ORC6: variants seen among roughly 807,000 people sequenced by gnomAD.
The protein encoded by ORC6 is origin recognition complex, subunit 6 homolog-like (yeast).
Under a neutral mutation model 30.0 loss-of-function variants are expected in ORC6, and 31 were observed. The observed-to-expected ratio is 1.03, with a 90% CI of 0.78 to 1.40. The LOEUF is 1.40. ORC6 is among the 40% of genes most tolerant of loss of function. The probability of loss-of-function intolerance (pLI) is 0.00; values close to 1 mark genes in which losing one functional copy is unlikely to be tolerated. For synonymous variants in ORC6, 136 were observed against 111.2 expected, an observed-to-expected ratio of 1.22 and a Z score of -1.40; for missense variants, 340 against 304.3, an observed-to-expected ratio of 1.12 and a Z score of -0.87.
intron 4 of ORC6, chr16:46,694,501 C>G (rs1293635504): frequency 7.0e-6 from 1 of 142,808 alleles, no homozygotes; most frequent in East Asian, 2.2e-4. Context: ...TGACCCCCCC[C>G]ACCTCCTTCC....
At chr16:46,690,355 C>T (rs1966420484) in intron 1 of ORC6, among the ~76,000 whole-genome samples, 4 of 152,170 alleles carry the variant, frequency 2.6e-5, no homozygotes, top group Admixed American at 2.6e-4. Context: ...GAAGCGGGAT[C>T]CGGGGTTCGA....
intron 4 of ORC6, chr16:46,694,794 A>G (rs966995330): frequency 5.3e-5 from 8 of 152,208 alleles, no homozygotes; most frequent in African/African-American, 1.9e-4. Context: ...CCTTGGAAAT[A>G]TTAGTAATTG....
chr16:46,689,919 A>G, intron 1 of ORC6, 149 bp downstream of exon 1: 2 of 1,198,502 alleles, frequency 1.7e-6, no homozygotes, highest in South Asian at 1.7e-5. Context: ...ACTTCAAGAA[A>G]AACTTCTCGG....
rs1966401836 is a variant in ORC6 at position 46,689,720 on chromosome 16, G to C, written c.15G>C (p.Leu5=). Residue 5 remains leucine (L), a synonymous_variant, in exon 1 of 7, where the codon CTG becomes CTC. Transcript: ENST00000219097. The part of the protein sequence containing the change: MGSE[L]IGRLAPRLGL... ...GTGCCGGCGCCATGGGGTCGGAGCT[G>C]ATCGGGCGCCTAGCCCCGCGCCTGG... The C allele has an allele frequency of 6.2e-7, 1 of 1,602,222 alleles. No homozygotes were observed. Among genetic ancestry groups the C allele is most frequent in the African/African-American group, 1.3e-5 (1 of 74,966 alleles).
Position 46,689,689 on chromosome 16 carries a change from G to A in ORC6, c.-17G>A, listed in dbSNP as rs754921519. On this transcript the variant is annotated 5_prime_UTR_variant, in exon 1 of 7. Coordinates refer to ENST00000219097, the MANE Select transcript of ORC6 (RefSeq NM_014321.4). ...CCCGCGGCGTTCACGGGAATTGTTC[G>A]CTTTAGTGCCGGCGCCATGGGGTCG... 1.3e-6 allele frequency: 2 copies of A among 1,596,860 alleles called. No individual in the cohort carries two copies. Among genetic ancestry groups the A allele is most frequent in the Non-Finnish European group, 1.7e-6 (2 of 1,171,448 alleles).
chr16:46,691,559 G>T (rs1389129863), intron 2 of ORC6, among the ~76,000 whole-genome samples: 1 of 152,064 alleles, frequency 6.6e-6, no homozygotes, highest in South Asian at 2.1e-4. Flanking sequence ...ATCCAATTTC[G>T]CTGGATTATT....
At chr16:46,696,161 T>C in intron 6 of ORC6, 76 bp downstream of exon 6, 1 of 1,008,988 alleles carries the variant, frequency 9.9e-7, no homozygotes, top group Non-Finnish European at 1.6e-6. Context: ...GCAGCTTGCC[T>C]GACAGGAGTC....
intron 4 of ORC6, chr16:46,693,406 T>A: frequency 1.7e-6 from 1 of 583,356 alleles, no homozygotes; most frequent in Non-Finnish European, 3.1e-6. Flanking sequence ...AGCAGCTGTA[T>A]ATATATGCTG....
intron 2 of ORC6, 23 bp downstream of exon 2, chr16:46,691,143 C>G: frequency 1.2e-6 from 2 of 1,612,754 alleles, no homozygotes; most frequent in Non-Finnish European, 8.5e-7. Context: ...CACCGAATGT[C>G]TGAATAATCC....
chr16:46,691,885 G>A (rs1004773228), intron 2 of ORC6, among the ~76,000 whole-genome samples: 4 of 151,230 alleles, frequency 2.6e-5, no homozygotes, highest in African/African-American at 7.3e-5. Context: ...TTCCCACAGT[G>A]GATCCTCCTG....
intron 2 of ORC6, among the ~76,000 whole-genome samples, chr16:46,691,972 T>A (rs1966448642): frequency 6.9e-6 from 1 of 145,450 alleles, no homozygotes; most frequent in African/African-American, 2.6e-5. Flanking sequence ...TCTCTCTCTC[T>A]CTCTCTCTCA....
At chr16:46,694,914 A>T (rs1036108439) in intron 4 of ORC6, 1 of 152,258 alleles carries the variant, frequency 6.6e-6, no homozygotes, top group Admixed American at 6.5e-5. Context: ...CTACCCACTA[A>T]TTTTGGTATG....
At chr16:46,696,253 T>C in intron 6 of ORC6, 168 bp downstream of exon 6, 1 of 671,718 alleles carries the variant, frequency 1.5e-6, no homozygotes, top group Non-Finnish European at 2.7e-6. Flanking sequence ...ACATCGTTAT[T>C]GGGTAATTAA....
Position 46,698,378 on chromosome 16 carries a change from T to A in ORC6, c.*793T>A, listed in dbSNP as rs1367055557. 2 of 387,498 alleles carry A rather than the reference T, an allele frequency of 5.2e-6. No individual in the cohort carries two copies. Among genetic ancestry groups the A allele is most frequent in the Admixed American group, 5.9e-5 (2 of 33,768 alleles). The allele number at this position is 387,498 out of a possible 1,614,324, so 24.0% of individuals were successfully genotyped here. On this transcript the variant is annotated 3_prime_UTR_variant, in exon 7 of 7. Coordinates refer to ENST00000219097, the MANE Select transcript of ORC6 (RefSeq NM_014321.4). ...ATATTGTACAGCCTAAGTTAATAAATGTTATTTATATATGCATTCAAGTTG... is the reference window on the plus strand; with the variant it reads ...ATATTGTACAGCCTAAGTTAATAAAAGTTATTTATATATGCATTCAAGTTG...
intron 1 of ORC6, among the ~76,000 whole-genome samples, chr16:46,690,288 GAT>G (rs1410332021): frequency 2.0e-5 from 3 of 152,248 alleles, no homozygotes; most frequent in Non-Finnish European, 2.9e-5. Flanking sequence ...GGCGAGGAAA[GAT>G]ATGGCAAGAG....
chr16:46,691,152 C>A, intron 2 of ORC6, 32 bp downstream of exon 2: 1 of 1,609,924 alleles, frequency 6.2e-7, no homozygotes, highest in Non-Finnish European at 8.5e-7. Flanking sequence ...TCTGAATAAT[C>A]CAGTGCAACA....
At chr16:46,693,677 T>TC (rs1966477365) in intron 4 of ORC6, 1 of 165,058 alleles carries the variant, frequency 6.1e-6, no homozygotes, top group African/African-American at 2.4e-5. Flanking sequence ...AGCACATGCC[T>TC]CCAGTCCTGG....
In ORC6 at chr16:46,696,038, C is replaced by G; in HGVS notation, c.584C>G (p.Thr195Ser). ...AAAGGAGAACCTGGAGATGTAGCTA[C>G]TCCACCACGGAAGAGAAAGAAGATA... is the stretch of plus-strand genomic sequence containing the variant. ...QVDREPGDVATPPRKRKKIVV... is the reference protein window; with the variant it reads ...QVDREPGDVASPPRKRKKIVV... Residue 195 changes from threonine (T) to serine (S), a missense_variant, in exon 6 of 7, where the codon ACT (threonine) becomes AGT (serine). Coordinates refer to ENST00000219097, the MANE Select transcript of ORC6 (RefSeq NM_014321.4). 6.2e-7 allele frequency: 1 copy of G among 1,613,376 alleles called. No individual in the cohort carries two copies. The highest frequency in any genetic ancestry group is 8.5e-7 in the Non-Finnish European group (1 of 1,179,258).
intron 6 of ORC6, 152 bp downstream of exon 6, chr16:46,696,237 G>T: frequency 1.4e-6 from 1 of 694,218 alleles, no homozygotes; most frequent in Non-Finnish European, 2.6e-6. Flanking sequence ...ATCAGTAATG[G>T]AAGTAACATC....
Sources: allele counts gnomAD v4.1 joint callset (sites outside exome capture counted in the v4.1 genomes callset), GRCh38; gene constraint gnomAD v4.1.1; transcripts MANE v1.5; gene names NCBI Gene and HGNC (gene_info 2026-07-23, HGNC 2026-07-21).